Variants in LDB3 observed in about 807,000 individuals in gnomAD.
LDB3 encodes LIM domain binding 3.
Under a neutral mutation model 69.0 loss-of-function variants are expected in LDB3, and 49 were observed. That is an observed-to-expected ratio of 0.71 (90% CI 0.56 to 0.90). The LOEUF (loss-of-function observed/expected upper bound fraction) is 0.90. LDB3 is among the 40% of genes least tolerant of loss of function. The pLI, the probability that LDB3 is intolerant of heterozygous loss-of-function variation, is 0.00. For synonymous variants in LDB3, 387 were observed against 396.2 expected (o/e 0.98, Z 0.28); for missense variants, 928 against 974.1 (o/e 0.95, Z 0.63).
chr10:86,701,149 T>TGCC (rs1456847519), intron 7 of LDB3, among the ~76,000 whole-genome samples: 18 of 152,216 alleles, frequency 1.2e-4, no homozygotes, highest in African/African-American at 3.6e-4. Context: ...AGCAGTCTGA[T>TGCC]GCCCGGGCCA....
chr10:86,678,338 C>T (rs1295237209), intron 2 of LDB3, among the ~76,000 whole-genome samples: 1 of 137,782 alleles, frequency 7.3e-6, no homozygotes, highest in Non-Finnish European at 1.5e-5. Flanking sequence ...CACCTGGCCA[C>T]CCTTTTTTTT....
intron 2 of LDB3, among the ~76,000 whole-genome samples, chr10:86,672,277 C>T (rs1302355656): frequency 6.6e-6 from 1 of 152,176 alleles, no homozygotes; most frequent in Non-Finnish European, 1.5e-5. Context: ...TGCCTGTCTA[C>T]TGGAAACCCT....
At chr10:86,676,496 C>T (rs912372225) in intron 2 of LDB3, among the ~76,000 whole-genome samples, 5 of 143,696 alleles carry the variant, frequency 3.5e-5, no homozygotes, top group African/African-American at 5.2e-5. Context: ...ACCCAGGAGG[C>T]GGAGGTTGCA....
chr10:86,709,871 C>T, intron 8 of LDB3, 34 bp from the exon 9 acceptor site: 2 of 1,603,874 alleles, frequency 1.2e-6, no homozygotes, highest in Non-Finnish European at 1.7e-6. Context: ...GGGGGCTGTC[C>T]TTCTGGGTGT....
At chr10:86,729,804 C>T (rs1257943953) in intron 13 of LDB3, among the ~76,000 whole-genome samples, 3 of 152,186 alleles carry the variant, frequency 2.0e-5, no homozygotes, top group Admixed American at 1.3e-4. Context: ...TCCCTGGACA[C>T]CTTCTCTCCC....
upstream of LDB3, among the ~76,000 whole-genome samples, chr10:86,667,353 C>T (rs1042404897): frequency 6.6e-6 from 1 of 152,112 alleles, no homozygotes; most frequent in Non-Finnish European, 1.5e-5. Context: ...TCCCCTGAGC[C>T]TCAGTTTCTC....
chr10:86,690,345 A>G (rs1190717756), intron 5 of LDB3, among the ~76,000 whole-genome samples: 9 of 152,210 alleles, frequency 5.9e-5, no homozygotes, highest in African/African-American at 2.2e-4. Context: ...CCTATGCCAG[A>G]AATGGCCTGT....
intron 12 of LDB3, among the ~76,000 whole-genome samples, chr10:86,723,482 A>T (rs117935903): frequency 6.6e-6 from 1 of 152,152 alleles, no homozygotes; most frequent in East Asian, 1.9e-4. Flanking sequence ...ATGGTTTTTC[A>T]AGCCCAGGGC....
chr10:86,707,047 T>TAAAGTTAGATA (rs142908224), intron 8 of LDB3, among the ~76,000 whole-genome samples: 11,295 of 152,126 alleles, frequency 0.074, 486 homozygotes, highest in African/African-American at 0.081. Flanking sequence ...CACACACTCA[T>TAAAGTTAGATA]ACACACAAAG....
intron 13 of LDB3, among the ~76,000 whole-genome samples, chr10:86,727,326 T>G (rs1403733867): frequency 2.0e-5 from 3 of 151,304 alleles, no homozygotes; most frequent in Non-Finnish European, 2.9e-5. Flanking sequence ...CTGGCTGATT[T>G]GGGAAAATTA....
chr10:86,715,299 T>C (rs1846825869), intron 9 of LDB3, among the ~76,000 whole-genome samples: 1 of 152,086 alleles, frequency 6.6e-6, no homozygotes, highest in African/African-American at 2.4e-5. Flanking sequence ...GCCTCTTTGC[T>C]GAGGAGCAGA....
At chr10:86,702,206 T>C (rs1238189012) in intron 7 of LDB3, among the ~76,000 whole-genome samples, 1 of 152,090 alleles carries the variant, frequency 6.6e-6, no homozygotes, top group Non-Finnish European at 1.5e-5. Flanking sequence ...ACAAGTAGCA[T>C]CATCACCCCC....
chr10:86,686,815 A>AAG (rs1221578081), intron 5 of LDB3, among the ~76,000 whole-genome samples: 1 of 151,512 alleles, frequency 6.6e-6, no homozygotes, highest in Non-Finnish European at 1.5e-5. Flanking sequence ...TCAAAAAAAA[A>AAG]AAAAAAGAAA....
intron 8 of LDB3, among the ~76,000 whole-genome samples, chr10:86,707,491 C>G (rs117577420): frequency 6.6e-6 from 1 of 152,042 alleles, no homozygotes; most frequent in Non-Finnish European, 1.5e-5. Context: ...GGGAGAAGAG[C>G]GAAGGCAGAG....
At chr10:86,673,029 C>A (rs1844574535) in intron 2 of LDB3, among the ~76,000 whole-genome samples, 1 of 152,234 alleles carries the variant, frequency 6.6e-6, no homozygotes, top group African/African-American at 2.4e-5. Flanking sequence ...ACTGCAAAGA[C>A]CCTCCTCTAC....
chr10:86,699,134 C>A lies in LDB3; in HGVS notation c.896+6563C>A, dbSNP rs1157536991. 5 of 977,184 alleles carry A rather than the reference C, an allele frequency of 5.1e-6. No individual in the cohort carries two copies. In the Admixed American group the frequency reaches 7.1e-5, roughly 14 times the overall value. The allele number at this position is 977,184 out of a possible 1,614,324, so 60.5% of individuals were successfully genotyped here. A position where few individuals can be genotyped will look rare whatever the true frequency, so the allele number is the denominator to read the frequency against. ...ATAGCTTCTCCAAGCCCGTTCCCTC[C>A]CTCCCATGCCCTCTGCCCCACCTGT... On this transcript the variant is annotated intron_variant, in intron 7 of 13. Transcript: ENST00000361373. The surrounding 1 kb of genome is among the most constrained non-coding windows in gnomAD (Gnocchi z 4.9).
chr10:86,700,069 G>A (rs41306868), intron 7 of LDB3: 80,642 of 985,886 alleles, frequency 0.082, 3,513 homozygotes, highest in African/African-American at 0.15. Context: ...CAGTCATGCT[G>A]TGCCTGTGTG....
At position 86,726,177 on chromosome 10, in the gene LDB3, T is replaced by A; in HGVS notation, c.2019T>A (p.Asp673Glu). ...NLFSTKCHGC[D>E]FPVEAGDKFI... Reference sequence around the variant, plus strand: ...TCAGCACCAAGTGCCATGGCTGCGATTTCCCCGTGGAGGCTGGCGACAAGT... The same window carrying A: ...TCAGCACCAAGTGCCATGGCTGCGAATTCCCCGTGGAGGCTGGCGACAAGT... Residue 673 changes from aspartate to glutamate, a missense_variant, in exon 13 of 14, where the codon GAT (aspartate) becomes GAA (glutamate). Coordinates refer to ENST00000361373, the MANE Select transcript of LDB3 (RefSeq NM_007078.3). The A allele has an allele frequency of 6.2e-7, 1 of 1,614,084 alleles. No homozygotes were observed. Among genetic ancestry groups the A allele is most frequent in the Non-Finnish European group, 8.5e-7 (1 of 1,180,026 alleles).
At chr10:86,703,455 C>G (rs576067706) in intron 7 of LDB3, among the ~76,000 whole-genome samples, 2 of 152,208 alleles carry the variant, frequency 1.3e-5, no homozygotes, top group Non-Finnish European at 2.9e-5. Flanking sequence ...GCTGGGCTGC[C>G]CAAGACCGCC....
Sources: gnomAD v4.1 joint callset for allele counts (sites outside exome capture counted in the v4.1 genomes callset) on GRCh38, gnomAD v4.1.1 for gene constraint, Gnocchi (gnomAD v3.1) non-coding constraint, MANE v1.5 for transcripts, NCBI Gene and HGNC (gene_info 2026-07-23, HGNC 2026-07-21) for gene names.